The following IGF2BP3 variants were observed in gnomAD, a reference collection of about 807,000 sequenced individuals.
IGF2BP3 encodes the protein insulin like growth factor 2 mRNA binding protein 3, also known as insulin-like growth factor 2 mRNA-binding protein 3.
A neutral mutation model predicts 73.8 loss-of-function variants in IGF2BP3; 9 were observed. That is an observed-to-expected ratio of 0.12 (90% confidence interval 0.07 to 0.21). The LOEUF (loss-of-function observed/expected upper bound fraction) is 0.21, where lower values mean the gene tolerates loss of function less well. Ranked by LOEUF, IGF2BP3 falls within the 10% of genes least tolerant of loss-of-function variation. IGF2BP3 has a pLI of 1.00. For missense variants in IGF2BP3, 542 were observed against 714.0 expected (o/e 0.76, Z 2.75); for synonymous variants, 258 against 256.7 (o/e 1.01, Z -0.05).
chr7:23,316,054 C>T (rs1430409454), intron 12 of IGF2BP3, among the ~76,000 whole-genome samples: 1 of 152,160 alleles, frequency 6.6e-6, no homozygotes, highest in Non-Finnish European at 1.5e-5. Context: ...AGATTTCAAA[C>T]TAAAAGTGAC....
chr7:23,464,953 TA>T (rs2128552437), intron 2 of IGF2BP3, among the ~76,000 whole-genome samples: 1 of 152,282 alleles, frequency 6.6e-6, no homozygotes, highest in Admixed American at 6.5e-5. Flanking sequence ...GGTTAGGTTC[TA>T]AAAAACTGAA....
intron 2 of IGF2BP3, among the ~76,000 whole-genome samples, chr7:23,465,000 A>T (rs974529995): frequency 1.3e-5 from 2 of 152,210 alleles, no homozygotes; most frequent in African/African-American, 4.8e-5. Context: ...TTAAAAAGTA[A>T]TGGAAATTGA....
Position 23,317,629 on chromosome 7 carries a change from G to C in IGF2BP3, c.1395+10C>G. 1 of 1,610,996 alleles carries C rather than the reference G, an allele frequency of 6.2e-7. No homozygotes were observed. The highest frequency in any genetic ancestry group is 8.5e-7 in the Non-Finnish European group (1 of 1,177,144). ...ACCTGTGGACATAGCACATACTCTA[G>C]AGCACATACCTTGAACTGAGCCTCT... On this transcript the variant is annotated intron_variant, in intron 12 of 14. Transcript: ENST00000258729.
intron 1 of IGF2BP3, 106 bp from the exon 2 acceptor site, chr7:23,468,648 G>T: frequency 1.7e-6 from 2 of 1,153,742 alleles, no homozygotes; most frequent in Non-Finnish European, 2.6e-6. Context: ...TGAGGCCCTC[G>T]AAGGGCCCCC....
intron 2 of IGF2BP3, among the ~76,000 whole-genome samples, chr7:23,424,396 G>A (rs1318402745): frequency 2.0e-5 from 3 of 151,930 alleles, no homozygotes; most frequent in African/African-American, 4.8e-5. Flanking sequence ...TACTCGGGAG[G>A]CTGAGGCAGG....
At chr7:23,354,217 T>C (rs550975576) in intron 5 of IGF2BP3, among the ~76,000 whole-genome samples, 1 of 152,200 alleles carries the variant, frequency 6.6e-6, no homozygotes, top group African/African-American at 2.4e-5. Context: ...GGTCTTGAAC[T>C]CTTGACCTCA....
At chr7:23,369,549 A>T (rs1328414013) in intron 3 of IGF2BP3, among the ~76,000 whole-genome samples, 3 of 152,172 alleles carry the variant, frequency 2.0e-5, no homozygotes, top group Non-Finnish European at 2.9e-5. Flanking sequence ...GACAAACAGA[A>T]CCAGTTTGGT....
chr7:23,408,554 G>C (rs1468394312), intron 3 of IGF2BP3, among the ~76,000 whole-genome samples: 1 of 152,208 alleles, frequency 6.6e-6, no homozygotes, highest in South Asian at 2.1e-4. Context: ...ACTGTTGGTA[G>C]AAATGTAAAA....
chr7:23,447,470 A>T (rs893796492), intron 2 of IGF2BP3, among the ~76,000 whole-genome samples: 1 of 151,710 alleles, frequency 6.6e-6, no homozygotes, highest in African/African-American at 2.4e-5. Context: ...CTAAAAATAC[A>T]AAAAAATTAG....
chr7:23,343,611 A>T (rs1784763097), intron 9 of IGF2BP3, 107 bp downstream of exon 9: 1 of 1,099,442 alleles, frequency 9.1e-7, no homozygotes, highest in South Asian at 1.4e-5. Context: ...ATCAACTAGA[A>T]CTACTTCTAG....
Position 23,470,124 on chromosome 7 carries a change from T to G in IGF2BP3, c.-14A>C, listed in dbSNP as rs1788681189. ...CAGTTTGTTCATTGTGAAGAGTGGT[T>G]GTTTAAAAAAAAATAACGAGAAAAA... On this transcript the variant is annotated 5_prime_UTR_variant, in exon 1 of 15. Transcript: ENST00000258729. 5.7e-6 allele frequency: 9 copies of G among 1,574,744 alleles called. No homozygotes were observed. Among genetic ancestry groups the G allele is most frequent in the African/African-American group, 4.1e-5 (3 of 72,760 alleles).
chr7:23,368,879 G>A (rs1429427250), intron 3 of IGF2BP3, among the ~76,000 whole-genome samples: 8 of 148,810 alleles, frequency 5.4e-5, no homozygotes, highest in East Asian at 2.0e-4. Context: ...CCTGGGCCAC[G>A]AGAGCAAAAC....
chr7:23,468,125 G>C (rs1025806835), intron 2 of IGF2BP3, among the ~76,000 whole-genome samples: 1 of 152,194 alleles, frequency 6.6e-6, no homozygotes, highest in East Asian at 1.9e-4. Flanking sequence ...GGAGGGGTGG[G>C]GGAATCATCC....
At chr7:23,447,193 TCTGA>T (rs1788086606) in intron 2 of IGF2BP3, among the ~76,000 whole-genome samples, 2 of 151,698 alleles carry the variant, frequency 1.3e-5, no homozygotes, top group Non-Finnish European at 1.5e-5. Flanking sequence ...AGAGTAAGAC[TCTGA>T]CTGACACACA....
intron 2 of IGF2BP3, among the ~76,000 whole-genome samples, chr7:23,433,550 A>G (rs1787740218): frequency 6.6e-6 from 1 of 150,802 alleles, no homozygotes; most frequent in Admixed American, 6.6e-5. Flanking sequence ...GCACGACCAT[A>G]GCTCACTGCA....
At chr7:23,417,525 G>A (rs1175185441) in intron 3 of IGF2BP3, among the ~76,000 whole-genome samples, 1 of 152,162 alleles carries the variant, frequency 6.6e-6, no homozygotes, top group Non-Finnish European at 1.5e-5. Context: ...AGGAAACTCT[G>A]CCCATAGCAG....
chr7:23,434,293 G>C (rs755324870), intron 2 of IGF2BP3, among the ~76,000 whole-genome samples: 1 of 152,020 alleles, frequency 6.6e-6, no homozygotes, highest in Non-Finnish European at 1.5e-5. Flanking sequence ...TCTTAGACAA[G>C]GCAGATCCTT....
At chr7:23,409,098 T>C (rs1381540520) in intron 3 of IGF2BP3, among the ~76,000 whole-genome samples, 1 of 152,144 alleles carries the variant, frequency 6.6e-6, no homozygotes, top group Admixed American at 6.5e-5. Flanking sequence ...TGCATTCCTA[T>C]GAGAATCTAA....
At chr7:23,411,006 A>T (rs1349556237) in intron 3 of IGF2BP3, among the ~76,000 whole-genome samples, 2 of 152,196 alleles carry the variant, frequency 1.3e-5, no homozygotes, top group Non-Finnish European at 2.9e-5. Context: ...AGTACGTGTC[A>T]GCTACTTATT....
Sources: gnomAD v4.1 joint callset for allele counts (sites outside exome capture counted in the v4.1 genomes callset) on GRCh38, gnomAD v4.1.1 for gene constraint, MANE v1.5 for transcripts, NCBI Gene and HGNC (gene_info 2026-07-23, HGNC 2026-07-21) for gene names.